DNAJC25: variants seen among roughly 807,000 people sequenced by gnomAD.
DNAJC25 encodes DnaJ heat shock protein family (Hsp40) member C25.
In DNAJC25, 26 loss-of-function variants were observed where a neutral mutation model predicts 42.1. The observed-to-expected ratio is 0.62, with a 90% confidence interval of 0.45 to 0.86. DNAJC25 has a LOEUF of 0.86. Ranked by LOEUF, DNAJC25 falls within the 40% of genes least tolerant of loss-of-function variation. The pLI, the probability that DNAJC25 is intolerant of heterozygous loss-of-function variation, is 0.00. For synonymous variants in DNAJC25, 189 were observed against 179.9 expected (o/e 1.05, Z -0.40); for missense variants, 404 against 459.4 (o/e 0.88, Z 1.10).
intron 1 of DNAJC25, 133 bp downstream of exon 1, chr9:111,631,876 A>T (rs1830287215): frequency 7.2e-7 from 1 of 1,381,820 alleles, no homozygotes; most frequent in Non-Finnish European, 9.3e-7. Context: ...GACCTTTAAG[A>T]TACTCACGTT....
chr9:111,638,714 A>T (rs546944624), intron 1 of DNAJC25, among the ~76,000 whole-genome samples: 48 of 152,112 alleles, frequency 3.2e-4, no homozygotes, highest in African/African-American at 9.9e-4. Flanking sequence ...TCTTTTTCTT[A>T]GCTGCTAAAA....
At chr9:111,637,633 T>G (rs1830383159) in intron 1 of DNAJC25, among the ~76,000 whole-genome samples, 1 of 152,220 alleles carries the variant, frequency 6.6e-6, no homozygotes. Context: ...TCATCTCCCT[T>G]TCATTCAAGC....
chr9:111,633,797 A>G lies in DNAJC25; in HGVS notation c.336+2054A>G, dbSNP rs116133139. Among the ~76,000 whole-genome samples, 406 of 152,334 alleles carry G rather than the reference A, an allele frequency of 2.7e-3. 1 individual carries two copies. The highest frequency in any genetic ancestry group is 8.8e-3 in the African/African-American group (367 of 41,572). ...ATCCCGGAACTGATCTGATGAATCT[A>G]TATGGTTGCCTCTAAAGGTTTCTAC... is the stretch of plus-strand genomic sequence containing the variant. On this transcript the variant is annotated intron_variant, in intron 1 of 3. Coordinates refer to ENST00000313525, the MANE Select transcript of DNAJC25 (RefSeq NM_001015882.3).
chr9:111,649,987 T>G, intron 3 of DNAJC25, 64 bp downstream of exon 3: 3 of 1,386,538 alleles, frequency 2.2e-6, no homozygotes, highest in Non-Finnish European at 2.9e-6. Flanking sequence ...TCAGGTGTAT[T>G]ATAATGAGGG....
In DNAJC25 at chr9:111,646,083, T is replaced by C. The variant is rs558908080; in HGVS notation, c.337-1024T>C. On this transcript the variant is annotated intron_variant, in intron 1 of 3. Coordinates refer to ENST00000313525, the MANE Select transcript of DNAJC25 (RefSeq NM_001015882.3). ...TCACCACACCTGGCAAAACAGACTT[T>C]TGTTTTTGTAATGGTTTTTATTATA... Among the ~76,000 whole-genome samples the C allele has an allele frequency of 4.6e-5, 7 of 152,364 alleles. 1 individual carries two copies. Among genetic ancestry groups the C allele is most frequent in the African/African-American group, 1.7e-4 (7 of 41,592 alleles).
intron 2 of DNAJC25, among the ~76,000 whole-genome samples, chr9:111,648,900 C>T (rs1237989982): frequency 6.6e-6 from 1 of 152,024 alleles, no homozygotes; most frequent in Non-Finnish European, 1.5e-5. Context: ...TTCTCCTGTC[C>T]AAATAGGTAG....
chr9:111,652,999 T>C, intron 3 of DNAJC25, 101 bp from the exon 4 acceptor site: 1 of 1,301,512 alleles, frequency 7.7e-7, no homozygotes, highest in Non-Finnish European at 1.0e-6. Flanking sequence ...ACTGGAAACT[T>C]TTTACCTAAC....
chr9:111,651,064 C>A (rs1361667473), intron 3 of DNAJC25, among the ~76,000 whole-genome samples: 1 of 151,820 alleles, frequency 6.6e-6, no homozygotes, highest in Admixed American at 6.6e-5. Context: ...ATCAGGAGTT[C>A]AAGACCAGCC....
At chr9:111,641,674 T>TGG (rs1187035381) in intron 1 of DNAJC25, among the ~76,000 whole-genome samples, 1 of 19,162 alleles carries the variant, frequency 5.2e-5, no homozygotes, top group African/African-American at 2.8e-4. Context: ...GGGAGGGAGG[T>TGG]GGGGGGGGGG....
chr9:111,632,174 T>C (rs373301767), intron 1 of DNAJC25, among the ~76,000 whole-genome samples: 155 of 152,252 alleles, frequency 1.0e-3, no homozygotes, highest in African/African-American at 3.5e-3. Context: ...ATAGTGTTAA[T>C]GGTGACGCTT....
At chr9:111,639,867 C>T (rs1830419630) in intron 1 of DNAJC25, among the ~76,000 whole-genome samples, 1 of 151,848 alleles carries the variant, frequency 6.6e-6, no homozygotes, top group South Asian at 2.1e-4. Context: ...CTAGGACACT[C>T]AGTGGGAGTC....
Position 111,649,378 on chromosome 9 carries a change from A to C in DNAJC25, c.490-75A>C, listed in dbSNP as rs1278599144. On this transcript the variant is annotated intron_variant, in intron 2 of 3. Transcript: ENST00000313525. ...GTTTCTTGGGAGATGGTATTCACCG[A>C]GACTCTATCATTCCTTTAATTTAGA... The C allele has an allele frequency of 1.3e-5, 19 of 1,452,876 alleles. No homozygotes were observed. The East Asian group carries it at 4.7e-4, about 36-fold the overall frequency. The allele number at this position is 1,452,876 out of a possible 1,614,324, so 90.0% of individuals were successfully genotyped here.
chr9:111,635,447 A>C (rs1052146442), intron 1 of DNAJC25, among the ~76,000 whole-genome samples: 9 of 152,326 alleles, frequency 5.9e-5, no homozygotes, highest in African/African-American at 2.2e-4. Context: ...TAGATAAGTA[A>C]ATTGGACGGT....
intron 2 of DNAJC25, among the ~76,000 whole-genome samples, chr9:111,648,264 G>GA (rs1830596426): frequency 6.9e-6 from 1 of 145,894 alleles, no homozygotes; most frequent in African/African-American, 2.5e-5. Context: ...AAACGATTCA[G>GA]TTTTTTTTTT....
chr9:111,653,030 A>G (rs923475997), intron 3 of DNAJC25, 70 bp from the exon 4 acceptor site: 2 of 1,400,364 alleles, frequency 1.4e-6, no homozygotes, highest in Non-Finnish European at 1.9e-6. Flanking sequence ...AAAAATGTAA[A>G]TATGCCATAA....
chr9:111,650,107 G>T (rs927893388), intron 3 of DNAJC25, among the ~76,000 whole-genome samples, 184 bp downstream of exon 3: 5 of 152,156 alleles, frequency 3.3e-5, no homozygotes, highest in Admixed American at 3.3e-4. Context: ...TTTTTAACCT[G>T]TAATTTCTCT....
At chr9:111,633,292 G>A (rs13291460) in intron 1 of DNAJC25, among the ~76,000 whole-genome samples, 29,547 of 152,078 alleles carry the variant, frequency 0.19, 3,485 homozygotes, top group Admixed American at 0.26. Context: ...TGTTTCAGGC[G>A]CGAGATGGTA....
intron 1 of DNAJC25, among the ~76,000 whole-genome samples, chr9:111,645,306 G>A (rs915165818): frequency 6.6e-6 from 1 of 151,044 alleles, no homozygotes; most frequent in East Asian, 1.9e-4. Flanking sequence ...CCAGGCTGGA[G>A]TGCAGTGGTA....
intron 1 of DNAJC25, among the ~76,000 whole-genome samples, chr9:111,644,998 T>G (rs1174899842): frequency 1.3e-5 from 2 of 152,190 alleles, no homozygotes; most frequent in Non-Finnish European, 2.9e-5. Flanking sequence ...AGTTGAGGCA[T>G]ATAGCAGCTG....
Sources: gnomAD v4.1 joint callset for allele counts (sites outside exome capture counted in the v4.1 genomes callset) on GRCh38, gnomAD v4.1.1 for gene constraint, MANE v1.5 for transcripts, NCBI Gene and HGNC (gene_info 2026-07-23, HGNC 2026-07-21) for gene names.